NPSR1: variants seen among roughly 807,000 people sequenced by gnomAD.
NPSR1 encodes the protein neuropeptide S receptor 1.
NPSR1 carries 48 observed loss-of-function variants against 46.9 expected under a neutral mutation model. The observed-to-expected ratio is 1.02, with a 90% CI of 0.81 to 1.30. NPSR1 has a LOEUF of 1.30. Ranked by LOEUF, NPSR1 falls within the 50% of genes most tolerant of loss-of-function variation. The pLI is 0.00. For missense variants in NPSR1, 450 were observed against 449.5 expected, an observed-to-expected ratio of 1.00 and a Z score of -0.01; for synonymous variants, 176 against 168.1, an observed-to-expected ratio of 1.05 and a Z score of -0.36.
chr7:34,689,513 G>C (rs185798363), intron 2 of NPSR1, among the ~76,000 whole-genome samples: 85 of 141,902 alleles, frequency 6.0e-4, no homozygotes, highest in African/African-American at 2.1e-3. Context: ...GCTGAGGCAG[G>C]AGAATGGCAT....
intron 6 of NPSR1, among the ~76,000 whole-genome samples, chr7:34,840,682 G>C (rs760879265): frequency 3.0e-4 from 45 of 152,314 alleles, no homozygotes; most frequent in Admixed American, 5.2e-4. Context: ...TGTGGCTGTG[G>C]AGCATCTGCT....
chr7:34,658,676 T>TA, intron 1 of NPSR1, 117 bp downstream of exon 1: 1 of 1,072,126 alleles, frequency 9.3e-7, no homozygotes, highest in South Asian at 1.6e-5. Flanking sequence ...TTTTCTTTAC[T>TA]AAAAAGGATT....
At chr7:34,733,763 G>A (rs1784544220) in intron 2 of NPSR1, among the ~76,000 whole-genome samples, 1 of 152,196 alleles carries the variant, frequency 6.6e-6, no homozygotes, top group Non-Finnish European at 1.5e-5. Flanking sequence ...AATCTGTGTG[G>A]AAGTCACAGT....
At chr7:34,822,353 C>G (rs909528620) in intron 4 of NPSR1, among the ~76,000 whole-genome samples, 1 of 151,730 alleles carries the variant, frequency 6.6e-6, no homozygotes, top group African/African-American at 2.4e-5. Context: ...CAGGGAGAAA[C>G]CAGGAGGGAG....
intron 2 of NPSR1, chr7:34,758,049 A>C: frequency 6.6e-6 from 1 of 152,574 alleles, no homozygotes; most frequent in South Asian, 2.1e-4. Context: ...TCCCCTCCAT[A>C]CTAATACTTG....
Position 34,811,817 on chromosome 7 carries a change from A to C in NPSR1, c.432A>C (p.Ile144=). 6.2e-7 allele frequency: 1 copy of C among 1,613,144 alleles called. No homozygotes were observed. Among genetic ancestry groups the C allele is most frequent in the Non-Finnish European group, 8.5e-7 (1 of 1,179,832 alleles). Residue 144 remains isoleucine, a synonymous_variant, in exon 4 of 9, where the codon ATA becomes ATC. Coordinates refer to ENST00000360581, the MANE Select transcript of NPSR1 (RefSeq NM_207172.2). ...ASTYVLVSLS[I]DRYHAIVYPM... The stretch of plus-strand genomic sequence containing the variant: ...CCTACGTCCTGGTGTCCCTCAGCAT[A>C]GACAGATACCATGCCATCGTCTACC...
chr7:34,751,589 G>C, intron 2 of NPSR1: 26 of 1,597,884 alleles, frequency 1.6e-5, no homozygotes, highest in Non-Finnish European at 2.2e-5. Context: ...TGTTCTTCCC[G>C]GAGAACTCGG....
chr7:34,663,584 C>A (rs10269833), intron 1 of NPSR1, among the ~76,000 whole-genome samples: 1 of 152,128 alleles, frequency 6.6e-6, no homozygotes, highest in African/African-American at 2.4e-5. Flanking sequence ...TCTCTTCCTC[C>A]GCTTTTTCCT....
chr7:34,781,018 A>G (rs1787204809), intron 3 of NPSR1, among the ~76,000 whole-genome samples: 1 of 152,174 alleles, frequency 6.6e-6, no homozygotes, highest in African/African-American at 2.4e-5. Context: ...GGGGATTTGA[A>G]AATCTCTGAC....
chr7:34,736,380 A>C (rs781229658), intron 2 of NPSR1, among the ~76,000 whole-genome samples: 21 of 152,188 alleles, frequency 1.4e-4, no homozygotes, highest in Admixed American at 2.6e-4. Flanking sequence ...CTCCTTACCC[A>C]GATTGAATTC....
chr7:34,797,817 A>T (rs1488175436), intron 3 of NPSR1, among the ~76,000 whole-genome samples: 1 of 152,178 alleles, frequency 6.6e-6, no homozygotes, highest in African/African-American at 2.4e-5. Flanking sequence ...AACAATAATA[A>T]GAATTTCCTC....
At chr7:34,787,943 T>G (rs1584020262) in intron 3 of NPSR1, among the ~76,000 whole-genome samples, 1 of 151,762 alleles carries the variant, frequency 6.6e-6, no homozygotes, top group East Asian at 1.9e-4. Flanking sequence ...GACACAGACA[T>G]GAAATAAACA....
intron 2 of NPSR1, among the ~76,000 whole-genome samples, chr7:34,769,691 C>G (rs1295563148): frequency 2.0e-5 from 3 of 152,208 alleles, no homozygotes; most frequent in Non-Finnish European, 4.4e-5. Flanking sequence ...CAGCTATTGC[C>G]CCATTCTTGA....
intron 2 of NPSR1, among the ~76,000 whole-genome samples, chr7:34,773,696 A>G (rs1419779): frequency 0.3 from 46,334 of 152,042 alleles, 7,118 homozygotes; most frequent in Middle Eastern, 0.34. Context: ...AGCTAGATTT[A>G]CCAGGATAAT....
intron 8 of NPSR1, among the ~76,000 whole-genome samples, chr7:34,877,548 C>T (rs1458955838): frequency 6.6e-6 from 1 of 152,172 alleles, no homozygotes; most frequent in Non-Finnish European, 1.5e-5. Flanking sequence ...AGTGAGTGCC[C>T]AGGTAGCAGA....
chr7:34,751,781 C>G (rs1336832814), intron 2 of NPSR1: 1 of 1,588,704 alleles, frequency 6.3e-7, no homozygotes, highest in Non-Finnish European at 8.6e-7. Context: ...TTTGCACAGC[C>G]CTGCCATATC....
At chr7:34,864,320 A>T (rs1791259669) in intron 8 of NPSR1, among the ~76,000 whole-genome samples, 3 of 150,960 alleles carry the variant, frequency 2.0e-5, no homozygotes, top group Admixed American at 2.0e-4. Context: ...GTGTATACCT[A>T]TGTAACAAAC....
chr7:34,716,952 C>T (rs1474032918), intron 2 of NPSR1, among the ~76,000 whole-genome samples: 1 of 152,108 alleles, frequency 6.6e-6, no homozygotes, highest in Non-Finnish European at 1.5e-5. Context: ...TGAGTGCTTC[C>T]CTTAGAGGTG....
chr7:34,811,409 C>T (rs139104202), intron 3 of NPSR1, among the ~76,000 whole-genome samples: 81 of 152,192 alleles, frequency 5.3e-4, no homozygotes, highest in African/African-American at 1.8e-3. Context: ...GCTGTTCTGC[C>T]ATTCGTCTGC....
Sources: allele counts gnomAD v4.1 joint callset (sites outside exome capture counted in the v4.1 genomes callset), GRCh38; gene constraint gnomAD v4.1.1; transcripts MANE v1.5; gene names NCBI Gene and HGNC (gene_info 2026-07-23, HGNC 2026-07-21).